Variants in SMG6 observed in about 807,000 individuals in gnomAD.
SMG6 encodes SMG6 nonsense mediated mRNA decay factor.
Under a neutral mutation model 142.2 loss-of-function variants are expected in SMG6, and 66 were observed. The ratio of observed to expected loss-of-function variants is 0.46; its 90% CI spans 0.38 to 0.57. SMG6 has a LOEUF of 0.57. SMG6 is among the 20% of genes least tolerant of loss of function. The pLI, the probability that SMG6 is intolerant of heterozygous loss-of-function variation, is 0.00. For missense variants in SMG6, 1,793 were observed against 1,832.0 expected, an observed-to-expected ratio of 0.98 and a Z score of 0.39; for synonymous variants, 779 against 702.4, an observed-to-expected ratio of 1.11 and a Z score of -1.72.
intron 13 of SMG6, among the ~76,000 whole-genome samples, chr17:2,153,722 G>A (rs574913978): frequency 9.6e-5 from 14 of 145,484 alleles, no homozygotes; most frequent in Non-Finnish European, 2.0e-4. Context: ...TGTAGAGTGT[G>A]ACGGTGACGG....
chr17:2,275,920 T>C (rs935424264), intron 8 of SMG6, among the ~76,000 whole-genome samples: 41 of 152,118 alleles, frequency 2.7e-4, no homozygotes, highest in African/African-American at 9.9e-4. Context: ...CTGCAACCAT[T>C]CAGAGAGAGA....
At chr17:2,212,646 C>G (rs910927305) in intron 10 of SMG6, 1 of 152,284 alleles carries the variant, frequency 6.6e-6, no homozygotes, top group Non-Finnish European at 1.5e-5. Context: ...TTACATCAGG[C>G]ACCAACCCTT....
At chr17:2,136,903 A>C (rs956242930) in intron 13 of SMG6, among the ~76,000 whole-genome samples, 6 of 152,146 alleles carry the variant, frequency 3.9e-5, no homozygotes, top group Admixed American at 3.9e-4. Flanking sequence ...TCACGCTTGT[A>C]ATTTCAGCAC....
chr17:2,178,820 G>T (rs1005358846), intron 12 of SMG6, among the ~76,000 whole-genome samples: 1 of 152,158 alleles, frequency 6.6e-6, no homozygotes, highest in Admixed American at 6.5e-5. Context: ...GGCATGAGTG[G>T]AGCCCTCGGC....
rs140710950 is a variant in SMG6, at chr17:2,226,993, T to A, written c.2869+9499A>T. The stretch of plus-strand genomic sequence containing the variant: ...AAATAAACACATGAAAAGTCTCTCA[T>A]CCTTAGTTATTAGAGAAACACAAAC... On this transcript the variant is annotated intron_variant, in intron 10 of 18. Transcript: ENST00000263073. 1.9e-3 allele frequency among the ~76,000 whole-genome samples: 288 copies of A among 152,290 alleles called. 1 individual carries two copies. Among genetic ancestry groups the A allele is most frequent in the African/African-American group, 6.6e-3 (274 of 41,554 alleles).
Position 2,061,399 on chromosome 17 carries a change from G to T in SMG6, c.*93C>A. On this transcript the variant is annotated 3_prime_UTR_variant, in exon 19 of 19. Transcript: ENST00000263073. ...TGGTTTATTGTCTGGGTGGATTGGT[G>T]GCTCAGGCACGTGGGCATCTTCCGT... 7.9e-7 allele frequency: 1 copy of T among 1,270,536 alleles called. No homozygotes were observed. The highest frequency in any genetic ancestry group is 1.1e-6 in the Non-Finnish European group (1 of 923,936). The allele number at this position is 1,270,536 out of a possible 1,614,324, so 78.7% of individuals were successfully genotyped here. A position where few individuals can be genotyped will look rare whatever the true frequency, so the allele number is the denominator to read the frequency against.
intron 10 of SMG6, among the ~76,000 whole-genome samples, chr17:2,207,540 T>C (rs1156589075): frequency 6.6e-6 from 1 of 152,074 alleles, no homozygotes; most frequent in African/African-American, 2.4e-5. Context: ...AGAAAAACTC[T>C]AGATAAATGA....
At chr17:2,264,273 G>T (rs1220564005) in intron 8 of SMG6, among the ~76,000 whole-genome samples, 1 of 152,182 alleles carries the variant, frequency 6.6e-6, no homozygotes, top group Admixed American at 6.5e-5. Context: ...TGTCTAACTT[G>T]GCAAGGAGCC....
chr17:2,273,796 CA>C (rs113762228), intron 8 of SMG6, among the ~76,000 whole-genome samples: 52 of 137,204 alleles, frequency 3.8e-4, no homozygotes, highest in Middle Eastern at 7.5e-3. Flanking sequence ...GACTGTGTCT[CA>C]AAAAAAAAAA....
At chr17:2,205,808 T>A (rs1264798806) in intron 10 of SMG6, among the ~76,000 whole-genome samples, 3 of 152,030 alleles carry the variant, frequency 2.0e-5, no homozygotes, top group African/African-American at 7.2e-5. Flanking sequence ...TATATGTGTA[T>A]ATATATTTTT....
intron 10 of SMG6, among the ~76,000 whole-genome samples, chr17:2,221,776 CAATG>C (rs1359861671): frequency 6.6e-6 from 1 of 152,200 alleles, no homozygotes; most frequent in Non-Finnish European, 1.5e-5. Context: ...CGGAGTCTTG[CAATG>C]TTGCCCAGGC....
At chr17:2,081,781 G>T in intron 15 of SMG6, 29 bp downstream of exon 15, 1 of 1,610,356 alleles carries the variant, frequency 6.2e-7, no homozygotes. Context: ...CCCCCATAGT[G>T]GGAACCACGC....
rs761253610 is a variant in SMG6 at position 2,299,448 on chromosome 17, C to T, written c.1305G>A (p.Leu435=). 8 of 1,614,146 alleles carry T rather than the reference C, an allele frequency of 5.0e-6. No homozygotes were observed. The Admixed American group carries it at 6.7e-5, about 13-fold the overall frequency. Residue 435 remains leucine (L), a synonymous_variant, in exon 2 of 19, where the codon TTG becomes TTA. Coordinates refer to ENST00000263073, the MANE Select transcript of SMG6 (RefSeq NM_017575.5). This position sits in a 1 kb window ranked among gnomAD's most constrained non-coding sequence, Gnocchi z 4.3. ...GAGATCCCTTACTACCAGATCCAAA[C>T]AAAAGCCGAGGTCCCAAAGGCGCGG... is the stretch of plus-strand genomic sequence containing the variant. The part of the protein sequence containing the change: ...PESAPLGPRL[L]FGSGSKGSRS...
intron 8 of SMG6, among the ~76,000 whole-genome samples, chr17:2,267,911 C>A (rs2074458742): frequency 6.6e-6 from 1 of 151,958 alleles, no homozygotes; most frequent in South Asian, 2.1e-4. Flanking sequence ...CCACACCCGG[C>A]TAATTTTTTG....
chr17:2,122,735 C>T (rs2069742838), intron 13 of SMG6, among the ~76,000 whole-genome samples: 1 of 152,170 alleles, frequency 6.6e-6, no homozygotes, highest in Admixed American at 6.5e-5. Flanking sequence ...CTTAAAACCT[C>T]AAGATACTAG....
chr17:2,235,748 T>C (rs1275889824), intron 10 of SMG6: 1 of 152,562 alleles, frequency 6.6e-6, no homozygotes, highest in Non-Finnish European at 1.5e-5. Context: ...CATATCATCC[T>C]TACCTAAGTG....
At chr17:2,177,671 C>T (rs2071689407) in intron 12 of SMG6, among the ~76,000 whole-genome samples, 1 of 152,124 alleles carries the variant, frequency 6.6e-6, no homozygotes, top group South Asian at 2.1e-4. Context: ...GAGAAGAAGC[C>T]GTGCATTGTG....
intron 13 of SMG6, among the ~76,000 whole-genome samples, chr17:2,108,555 T>TGGGAGGCAGAGGTTGTA: frequency 6.6e-6 from 1 of 152,220 alleles, no homozygotes; most frequent in East Asian, 1.9e-4. Context: ...TGCTTGAATC[T>TGGGAGGCAGAGGTTGTA]GGGAGGCAGA....
At chr17:2,223,507 T>C (rs1437199494) in intron 10 of SMG6, among the ~76,000 whole-genome samples, 1 of 152,046 alleles carries the variant, frequency 6.6e-6, no homozygotes, top group Admixed American at 6.6e-5. Context: ...AGAACAGCAG[T>C]AGTCAAGAAC....
Sources: allele counts gnomAD v4.1 joint callset (sites outside exome capture counted in the v4.1 genomes callset), GRCh38; gene constraint gnomAD v4.1.1; non-coding constraint Gnocchi (gnomAD v3.1); transcripts MANE v1.5; gene names NCBI Gene and HGNC (gene_info 2026-07-23, HGNC 2026-07-21).